The following MYOCD variants were observed in gnomAD, a reference collection of about 807,000 sequenced individuals.
The protein encoded by MYOCD is myocardin.
In MYOCD, 32 loss-of-function variants were observed where a neutral mutation model predicts 96.1. The observed-to-expected ratio is 0.33, with a 90% CI of 0.25 to 0.45. MYOCD has a LOEUF of 0.45. Ranked by LOEUF, MYOCD falls within the 20% of genes least tolerant of loss-of-function variation. The pLI is 1.00. For missense variants in MYOCD, 1,133 were observed against 1,200.6 expected (o/e 0.94, Z 0.83); for synonymous variants, 469 against 469.0 (o/e 1.00, Z 0.00).
chr17:12,756,800 C>A (rs951281832), intron 11 of MYOCD, among the ~76,000 whole-genome samples: 1 of 151,318 alleles, frequency 6.6e-6, no homozygotes, highest in Non-Finnish European at 1.5e-5. Context: ...GAGGGAGGGA[C>A]AGATTGATTA....
intron 11 of MYOCD, among the ~76,000 whole-genome samples, chr17:12,757,303 A>AT (rs1466149203): frequency 6.6e-6 from 1 of 152,200 alleles, no homozygotes; most frequent in African/African-American, 2.4e-5. Flanking sequence ...AAAGTGCCAC[A>AT]TACCACAAGT....
Position 12,736,338 on chromosome 17 carries a change from T to TA in MYOCD, c.591+8dup, listed in dbSNP as rs772280385. The TA allele has an allele frequency of 1.9e-6, 3 of 1,610,622 alleles. No homozygotes were observed. The highest frequency in any genetic ancestry group is 2.7e-5 in the African/African-American group (2 of 74,604). ...ACAGGTTCTCTGGGGACAAACCAGG[T>TA]AAAAAACAAAACAAACAAACGAAAA... is the stretch of plus-strand genomic sequence containing the variant. On this transcript the variant is annotated splice_region_variant and intron_variant, in intron 6 of 13. Transcript: ENST00000425538.
intron 5 of MYOCD, among the ~76,000 whole-genome samples, chr17:12,735,739 G>T (rs1442945183): frequency 6.6e-6 from 1 of 152,120 alleles, no homozygotes; most frequent in African/African-American, 2.4e-5. Flanking sequence ...GATGCAAATG[G>T]CAGGCTGTCA....
chr17:12,695,455 C>G (rs1338329930), intron 1 of MYOCD, among the ~76,000 whole-genome samples: 2 of 152,122 alleles, frequency 1.3e-5, no homozygotes, highest in African/African-American at 4.8e-5. Context: ...AACATTAAGA[C>G]CAGAGCAGAT....
intron 7 of MYOCD, among the ~76,000 whole-genome samples, chr17:12,739,640 T>C (rs1047286009): frequency 1.3e-5 from 2 of 152,210 alleles, no homozygotes; most frequent in South Asian, 4.1e-4. Context: ...CAGCTGATTG[T>C]AAGGCAGGAT....
intron 11 of MYOCD, among the ~76,000 whole-genome samples, chr17:12,757,741 A>G (rs1165990386): frequency 2.6e-5 from 4 of 151,982 alleles, no homozygotes; most frequent in Admixed American, 6.6e-5. Flanking sequence ...TGATCTGCCC[A>G]CCTCGGCCTC....
At chr17:12,694,155 A>C (rs537785183) in intron 1 of MYOCD, among the ~76,000 whole-genome samples, 2 of 152,326 alleles carry the variant, frequency 1.3e-5, no homozygotes, top group East Asian at 3.9e-4. Context: ...ACTTTTAGCT[A>C]TGATGGGTTC....
chr17:12,671,694 A>C (rs1909718797), intron 1 of MYOCD, among the ~76,000 whole-genome samples: 1 of 152,228 alleles, frequency 6.6e-6, no homozygotes, highest in Non-Finnish European at 1.5e-5. Flanking sequence ...AGAAACAGTT[A>C]GCAAGATTGT....
intron 5 of MYOCD, among the ~76,000 whole-genome samples, chr17:12,729,702 G>C (rs2032109535): frequency 6.6e-6 from 1 of 152,176 alleles, no homozygotes; most frequent in African/African-American, 2.4e-5. Context: ...CTTCCAAGTA[G>C]CTGGGATTAC....
At chr17:12,732,366 G>A (rs925538078) in intron 5 of MYOCD, among the ~76,000 whole-genome samples, 2 of 151,934 alleles carry the variant, frequency 1.3e-5, no homozygotes, top group Admixed American at 6.6e-5. Flanking sequence ...TGTCAGACGC[G>A]CCCCTCTCCC....
In MYOCD at chr17:12,741,596, C is replaced by T. The variant is rs1484152097; in HGVS notation, c.717+2268C>T. On this transcript the variant is annotated intron_variant, in intron 7 of 13. Transcript: ENST00000425538. ...TGGTGGCGTGTGCCTGTAATCCCAGCTACTCAGGAGGCTGAGGCAGGATAA... is the reference window on the plus strand; with the variant it reads ...TGGTGGCGTGTGCCTGTAATCCCAGTTACTCAGGAGGCTGAGGCAGGATAA... Among the ~76,000 whole-genome samples the T allele has an allele frequency of 2.0e-5, 3 of 151,990 alleles. No individual in the cohort carries two copies. In the East Asian group the frequency reaches 5.8e-4, roughly 29 times the overall value.
intron 1 of MYOCD, among the ~76,000 whole-genome samples, chr17:12,671,466 A>G (rs1002734769): frequency 3.3e-5 from 5 of 152,122 alleles, no homozygotes; most frequent in African/African-American, 1.2e-4. Context: ...GGTTATCCCT[A>G]TTGTTCTTAG....
chr17:12,718,619 C>T (rs539125643), intron 4 of MYOCD, among the ~76,000 whole-genome samples: 4 of 152,232 alleles, frequency 2.6e-5, no homozygotes, highest in East Asian at 3.9e-4. Context: ...TATTTTAAGA[C>T]GGAGAACTGT....
In MYOCD at chr17:12,752,727, C is replaced by T; in HGVS notation, c.1439C>T (p.Pro480Leu). The T allele has an allele frequency of 1.2e-6, 2 of 1,614,172 alleles. No individual in the cohort carries two copies. Among genetic ancestry groups the T allele is most frequent in the Non-Finnish European group, 1.7e-6 (2 of 1,180,042 alleles). Residue 480 changes from proline to leucine, a missense_variant, in exon 10 of 14, where the codon CCC becomes CTC. By Grantham distance (98) the Pro-to-Leu change is moderately conservative. Transcript: ENST00000425538. ...SLPDTFNDAS[P>L]SFGLHPSPVH... ...CCGGACACCTTCAATGATGCCTCCC[C>T]CTCCTTCGGCCTGCACCCGTCCCCA...
At chr17:12,724,788 A>G (rs899717017) in intron 5 of MYOCD, among the ~76,000 whole-genome samples, 1 of 152,004 alleles carries the variant, frequency 6.6e-6, no homozygotes, top group African/African-American at 2.4e-5. Context: ...CTATTTTACA[A>G]TTTGTGTTAA....
chr17:12,723,474 G>A (rs1047907291), intron 5 of MYOCD, among the ~76,000 whole-genome samples: 2 of 152,172 alleles, frequency 1.3e-5, no homozygotes, highest in Non-Finnish European at 2.9e-5. Context: ...CCAGCTCACA[G>A]GCTCCTGGGA....
At chr17:12,683,222 G>C (rs1012700882) in intron 1 of MYOCD, among the ~76,000 whole-genome samples, 5 of 152,170 alleles carry the variant, frequency 3.3e-5, no homozygotes, top group South Asian at 2.1e-4. Flanking sequence ...GAAAAGTTCA[G>C]TCTGGCTTGA....
Position 12,665,952 on chromosome 17 carries a change from C to T in MYOCD, c.-237C>T. The stretch of plus-strand genomic sequence containing the variant: ...GGGATGCCGCGCTGCTCCTGGCCAA[C>T]CTCCGAGGAGGAGGAGGGTCCCGCC... On this transcript the variant is annotated 5_prime_UTR_variant, in exon 1 of 14. Transcript: ENST00000425538. The surrounding 1 kb of genome is among the most constrained non-coding windows in gnomAD (Gnocchi z 4.2). The T allele has an allele frequency of 1.8e-6, 1 of 542,658 alleles. No homozygotes were observed. The highest frequency in any genetic ancestry group is 2.5e-5 in the South Asian group (1 of 39,636). The allele number at this position is 542,658 out of a possible 1,614,324, so 33.6% of individuals were successfully genotyped here.
rs973292326 is a variant in MYOCD at position 12,717,264 on chromosome 17, T to G, written c.178-82T>G. 6.1e-6 allele frequency: 6 copies of G among 982,806 alleles called. No individual in the cohort carries two copies. In the African/African-American group the frequency reaches 9.9e-5, roughly 16 times the overall value. The allele number at this position is 982,806 out of a possible 1,614,324, so 60.9% of individuals were successfully genotyped here. On this transcript the variant is annotated intron_variant, in intron 3 of 13. Coordinates refer to ENST00000425538, the MANE Select transcript of MYOCD (RefSeq NM_001146312.3). ...TATTTTCATGTTTCATTTATTATTT[T>G]AAAAGGTTATTTTCTCCTGTGAGAT...
Sources: gnomAD v4.1 joint callset for allele counts (sites outside exome capture counted in the v4.1 genomes callset) on GRCh38, gnomAD v4.1.1 for gene constraint, Gnocchi (gnomAD v3.1) non-coding constraint, MANE v1.5 for transcripts, NCBI Gene and HGNC (gene_info 2026-07-23, HGNC 2026-07-21) for gene names.